The following SLIT2 variants were observed in gnomAD, a reference collection of about 807,000 sequenced individuals.
SLIT2 encodes the protein slit guidance ligand 2, also known as slit homolog 2 protein.
In SLIT2, 41 loss-of-function variants were observed where a neutral mutation model predicts 185.7. The observed-to-expected ratio is 0.22, with a 90% CI of 0.17 to 0.29. The LOEUF is 0.29. Among genes scored for constraint, SLIT2 ranks in the 10% least tolerant of loss-of-function variants. The pLI is 1.00. For synonymous variants in SLIT2, 693 were observed against 680.2 expected (o/e 1.02, Z -0.29); for missense variants, 1,571 against 1,909.0 (o/e 0.82, Z 3.30).
intron 4 of SLIT2, among the ~76,000 whole-genome samples, chr4:20,342,044 TGTTCA>T (rs1721001789): frequency 6.6e-6 from 1 of 152,174 alleles, no homozygotes; most frequent in South Asian, 2.1e-4. Flanking sequence ...ACATATTTTG[TGTTCA>T]GTTCAGTGAG....
chr4:20,313,878 C>T (rs1043260326), intron 4 of SLIT2, among the ~76,000 whole-genome samples: 1 of 152,142 alleles, frequency 6.6e-6, no homozygotes, highest in African/African-American at 2.4e-5. Flanking sequence ...CTGGGCAACC[C>T]GCTCCTCACA....
intron 4 of SLIT2, among the ~76,000 whole-genome samples, chr4:20,334,867 G>A (rs1937602658): frequency 6.6e-6 from 1 of 152,152 alleles, no homozygotes; most frequent in Non-Finnish European, 1.5e-5. Flanking sequence ...GAATAGAAAG[G>A]TAATGCATGT....
chr4:20,483,540 A>T (rs1485004329), intron 6 of SLIT2, among the ~76,000 whole-genome samples: 2 of 152,026 alleles, frequency 1.3e-5, no homozygotes, highest in African/African-American at 4.8e-5. Flanking sequence ...TGCTGCTTTT[A>T]CATGTTTATT....
chr4:20,585,299 T>C (rs1173359193), intron 29 of SLIT2, among the ~76,000 whole-genome samples: 2 of 152,164 alleles, frequency 1.3e-5, no homozygotes, highest in African/African-American at 2.4e-5. Flanking sequence ...AACCAACATA[T>C]ATACGTACAC....
intron 29 of SLIT2, among the ~76,000 whole-genome samples, chr4:20,588,711 A>C (rs61790706): frequency 0.062 from 9,438 of 152,244 alleles, 334 homozygotes; most frequent in South Asian, 0.11. Flanking sequence ...ATTTGGTCTA[A>C]TGTATGTGAA....
chr4:20,439,579 A>T (rs1169423876), intron 4 of SLIT2, among the ~76,000 whole-genome samples: 1 of 152,210 alleles, frequency 6.6e-6, no homozygotes, highest in Non-Finnish European at 1.5e-5. Flanking sequence ...GGCCCACCCT[A>T]ATGACCTTGT....
At chr4:20,271,328 A>G (rs1713581356) in intron 4 of SLIT2, among the ~76,000 whole-genome samples, 1 of 149,486 alleles carries the variant, frequency 6.7e-6, no homozygotes, top group South Asian at 2.1e-4. Context: ...CGTTTTATAA[A>G]TATGTGTAAA....
intron 7 of SLIT2, 67 bp downstream of exon 7, chr4:20,486,338 C>T: frequency 1.1e-6 from 1 of 946,506 alleles, no homozygotes; most frequent in Non-Finnish European, 1.7e-6. Flanking sequence ...ATAGCATGTT[C>T]AGTAAGCAAA....
intron 4 of SLIT2, among the ~76,000 whole-genome samples, chr4:20,385,059 C>T (rs76365343): frequency 6.6e-6 from 1 of 152,108 alleles, no homozygotes; most frequent in Non-Finnish European, 1.5e-5. Flanking sequence ...GGGTATCTTA[C>T]AGTCTTAACT....
At chr4:20,313,159 A>T (rs1262509059) in intron 4 of SLIT2, among the ~76,000 whole-genome samples, 5 of 152,176 alleles carry the variant, frequency 3.3e-5, no homozygotes, top group Admixed American at 2.6e-4. Flanking sequence ...GAAATACCTG[A>T]GACTTGGTAA....
At chr4:20,318,819 C>T (rs528545243) in intron 4 of SLIT2, among the ~76,000 whole-genome samples, 2 of 152,210 alleles carry the variant, frequency 1.3e-5, no homozygotes, top group South Asian at 2.1e-4. Context: ...GACTTATTTC[C>T]GAACTAACTT....
intron 4 of SLIT2, among the ~76,000 whole-genome samples, chr4:20,344,389 A>G (rs1363833507): frequency 6.6e-6 from 1 of 152,160 alleles, no homozygotes; most frequent in Non-Finnish European, 1.5e-5. Context: ...TAGGTATTAT[A>G]CACGATTTCA....
At chr4:20,408,063 C>T (rs1726912028) in intron 4 of SLIT2, among the ~76,000 whole-genome samples, 1 of 152,082 alleles carries the variant, frequency 6.6e-6, no homozygotes, top group African/African-American at 2.4e-5. Flanking sequence ...CCACCTGCAT[C>T]AAAATAGTGA....
chr4:20,474,259 CAT>C (rs929616734), intron 5 of SLIT2, among the ~76,000 whole-genome samples: 1 of 151,898 alleles, frequency 6.6e-6, no homozygotes, highest in Non-Finnish European at 1.5e-5. Context: ...CTCAGGCATT[CAT>C]ATATATAAAA....
chr4:20,617,797 G>C (rs1729799771), intron 36 of SLIT2, 147 bp downstream of exon 36: 1 of 620,756 alleles, frequency 1.6e-6, no homozygotes, highest in Non-Finnish European at 2.8e-6. Flanking sequence ...GAGAATACTA[G>C]GTCTTCTCAC....
chr4:20,473,137 A>G (rs905213439), intron 5 of SLIT2, among the ~76,000 whole-genome samples: 1 of 143,960 alleles, frequency 6.9e-6, no homozygotes, highest in Non-Finnish European at 1.5e-5. Context: ...TAATTTTGCA[A>G]TACATCCACA....
intron 18 of SLIT2, among the ~76,000 whole-genome samples, chr4:20,535,028 C>T (rs771609037): frequency 2.6e-5 from 4 of 152,062 alleles, no homozygotes; most frequent in African/African-American, 7.2e-5. Context: ...GGACTGGGCG[C>T]GGTGGCTCAT....
At chr4:20,577,641 T>C (rs1726188571) in intron 29 of SLIT2, among the ~76,000 whole-genome samples, 1 of 152,152 alleles carries the variant, frequency 6.6e-6, no homozygotes, top group Non-Finnish European at 1.5e-5. Context: ...TTCTTTCAGG[T>C]CCAACTTAAT....
At chr4:20,426,509 T>G (rs1467438109) in intron 4 of SLIT2, among the ~76,000 whole-genome samples, 1 of 152,138 alleles carries the variant, frequency 6.6e-6, no homozygotes, top group African/African-American at 2.4e-5. Context: ...AGATGCACTG[T>G]GTAAGATGCT....
Sources: allele counts gnomAD v4.1 joint callset (sites outside exome capture counted in the v4.1 genomes callset), GRCh38; gene constraint gnomAD v4.1.1; transcripts MANE v1.5; gene names NCBI Gene and HGNC (gene_info 2026-07-23, HGNC 2026-07-21).